COL25A1: variants seen among roughly 807,000 people sequenced by gnomAD.
COL25A1 encodes the protein collagen type XXV alpha 1 chain.
In COL25A1, 103 loss-of-function variants were observed where a neutral mutation model predicts 128.4. The observed-to-expected ratio is 0.80, with a 90% CI of 0.68 to 0.94. COL25A1 has a LOEUF of 0.94. Ranked by LOEUF, COL25A1 falls within the 40% of genes least tolerant of loss-of-function variation. The probability of loss-of-function intolerance (pLI) is 0.00; values close to 1 mark genes in which losing one functional copy is unlikely to be tolerated. For synonymous variants in COL25A1, 279 were observed against 277.2 expected, an observed-to-expected ratio of 1.01 and a Z score of -0.06; for missense variants, 745 against 840.0, an observed-to-expected ratio of 0.89 and a Z score of 1.40.
chr4:108,885,621 C>T (rs1167232709), intron 18 of COL25A1, among the ~76,000 whole-genome samples: 3 of 152,120 alleles, frequency 2.0e-5, no homozygotes, highest in Non-Finnish European at 1.5e-5. Flanking sequence ...TTTTACCTTT[C>T]AATCAATGAG....
chr4:108,815,245 A>G (rs1019447808), intron 37 of COL25A1, among the ~76,000 whole-genome samples: 1 of 152,208 alleles, frequency 6.6e-6, no homozygotes, highest in African/African-American at 2.4e-5. Context: ...CCACAATTTG[A>G]ATTTTAAGTC....
intron 3 of COL25A1, among the ~76,000 whole-genome samples, chr4:109,107,852 C>T (rs1221335795): frequency 2.6e-5 from 4 of 152,118 alleles, no homozygotes; most frequent in Admixed American, 6.6e-5. Context: ...ACTGTGGGCA[C>T]CTCGTGTATA....
At chr4:108,871,893 A>G (rs1488960860) in intron 19 of COL25A1, among the ~76,000 whole-genome samples, 1 of 152,104 alleles carries the variant, frequency 6.6e-6, no homozygotes, top group African/African-American at 2.4e-5. Context: ...CTTCAAAAAC[A>G]ATTGTTGAAG....
intron 3 of COL25A1, among the ~76,000 whole-genome samples, chr4:109,149,031 C>T (rs899216189): frequency 6.6e-6 from 1 of 152,172 alleles, no homozygotes; most frequent in Non-Finnish European, 1.5e-5. Context: ...AGTTTATCAT[C>T]ACAACATCCT....
intron 19 of COL25A1, among the ~76,000 whole-genome samples, chr4:108,872,908 T>C (rs1476233769): frequency 6.6e-6 from 1 of 152,128 alleles, no homozygotes; most frequent in African/African-American, 2.4e-5. Context: ...TTGTTTTTGT[T>C]TTTGAGACAG....
chr4:109,145,942 T>A (rs1037263611), intron 3 of COL25A1, among the ~76,000 whole-genome samples: 11 of 152,226 alleles, frequency 7.2e-5, no homozygotes, highest in African/African-American at 2.7e-4. Context: ...ATTATCTCCA[T>A]GCTACAGTAA....
chr4:108,820,141 C>T (rs771311566), intron 35 of COL25A1, among the ~76,000 whole-genome samples: 6 of 152,150 alleles, frequency 3.9e-5, no homozygotes, highest in Admixed American at 1.3e-4. Context: ...AAAGCTGATA[C>T]ATCAGAAGTG....
intron 6 of COL25A1, among the ~76,000 whole-genome samples, chr4:108,984,711 C>G (rs1478094471): frequency 6.6e-6 from 1 of 152,210 alleles, no homozygotes; most frequent in Non-Finnish European, 1.5e-5. Context: ...CGCGCGCAGC[C>G]CCTGTTCCTG....
chr4:109,021,520 C>T (rs1757765145), intron 5 of COL25A1, among the ~76,000 whole-genome samples: 1 of 152,062 alleles, frequency 6.6e-6, no homozygotes, highest in Admixed American at 6.6e-5. Flanking sequence ...ATTAACCGTA[C>T]AAATTGATTG....
At chr4:108,997,867 C>T (rs1223888071) in intron 6 of COL25A1, among the ~76,000 whole-genome samples, 15 of 152,154 alleles carry the variant, frequency 9.9e-5, no homozygotes, top group Admixed American at 9.8e-4. Flanking sequence ...GAACCAATGA[C>T]AAAAACCACA....
Position 108,813,947 on chromosome 4 carries a change from A to C in COL25A1, c.1963-18T>G. On this transcript the variant is annotated intron_variant, in intron 37 of 37. Transcript: ENST00000399132. ...ATTCATCACTGCAGAAAAAGACAAC[A>C]AAAAGACAAATACATGGAATTAGTA... The C allele has an allele frequency of 6.3e-7, 1 of 1,583,580 alleles. No individual in the cohort carries two copies. Among genetic ancestry groups the C allele is most frequent in the Non-Finnish European group, 8.7e-7 (1 of 1,154,044 alleles).
At chr4:108,866,380 A>T (rs1237390381) in intron 20 of COL25A1, among the ~76,000 whole-genome samples, 1 of 151,836 alleles carries the variant, frequency 6.6e-6, no homozygotes, top group African/African-American at 2.4e-5. Context: ...TTTAGTGGAG[A>T]TGGGGTCTCA....
chr4:108,999,604 T>C (rs1755150409), intron 6 of COL25A1, among the ~76,000 whole-genome samples: 1 of 152,144 alleles, frequency 6.6e-6, no homozygotes, highest in South Asian at 2.1e-4. Flanking sequence ...GACCCAGCAA[T>C]CCCATTACTG....
At chr4:108,828,054 A>C (rs1397409835) in intron 32 of COL25A1, among the ~76,000 whole-genome samples, 1 of 152,194 alleles carries the variant, frequency 6.6e-6, no homozygotes, top group African/African-American at 2.4e-5. Flanking sequence ...AGTGTATGGC[A>C]CATCAGTAAA....
At chr4:108,933,587 A>G (rs1423623352) in intron 11 of COL25A1, among the ~76,000 whole-genome samples, 1 of 152,134 alleles carries the variant, frequency 6.6e-6, no homozygotes, top group Non-Finnish European at 1.5e-5. Context: ...CATTTCTTAG[A>G]GCAGCCTTTC....
At chr4:109,086,457 C>A (rs1231879051) in intron 3 of COL25A1, among the ~76,000 whole-genome samples, 2 of 152,150 alleles carry the variant, frequency 1.3e-5, no homozygotes, top group African/African-American at 2.4e-5. Context: ...GGATTATTTT[C>A]CAGATAATTT....
chr4:108,853,673 C>A (rs985295242), intron 24 of COL25A1, among the ~76,000 whole-genome samples: 3 of 151,954 alleles, frequency 2.0e-5, no homozygotes, highest in Admixed American at 6.6e-5. Context: ...CCTTGCCCCC[C>A]ACCCCCTGAC....
intron 3 of COL25A1, among the ~76,000 whole-genome samples, chr4:109,243,106 G>T (rs1184430694): frequency 6.6e-6 from 1 of 152,030 alleles, no homozygotes; most frequent in African/African-American, 2.4e-5. Context: ...GTAGATTTCA[G>T]TGTTTCTAAA....
intron 3 of COL25A1, among the ~76,000 whole-genome samples, chr4:109,205,904 C>T (rs1192496529): frequency 6.6e-6 from 1 of 152,030 alleles, no homozygotes; most frequent in African/African-American, 2.4e-5. Flanking sequence ...TTGACCTAAC[C>T]CCCAGATTCC....
Sources: gnomAD v4.1 joint callset for allele counts (sites outside exome capture counted in the v4.1 genomes callset) on GRCh38, gnomAD v4.1.1 for gene constraint, MANE v1.5 for transcripts, NCBI Gene and HGNC (gene_info 2026-07-23, HGNC 2026-07-21) for gene names.